ATP6V0A4: variants seen among roughly 807,000 people sequenced by gnomAD.
ATP6V0A4 encodes V-type proton ATPase 116 kDa subunit a 4.
Under a neutral mutation model 107.3 loss-of-function variants are expected in ATP6V0A4, and 86 were observed. The ratio of observed to expected loss-of-function variants is 0.80; its 90% CI spans 0.67 to 0.96. ATP6V0A4 has a LOEUF of 0.96. Among genes scored for constraint, ATP6V0A4 ranks in the 40% least tolerant of loss-of-function variants. ATP6V0A4 has a pLI of 0.00. For missense variants in ATP6V0A4, 908 were observed against 1,045.6 expected, an observed-to-expected ratio of 0.87 and a Z score of 1.81; for synonymous variants, 353 against 381.4, an observed-to-expected ratio of 0.93 and a Z score of 0.87.
intron 13 of ATP6V0A4, among the ~76,000 whole-genome samples, chr7:138,746,937 G>C (rs1400486016): frequency 6.6e-6 from 1 of 152,154 alleles, no homozygotes; most frequent in African/African-American, 2.4e-5. Flanking sequence ...ACGGGTCCCA[G>C]GCTGCTTCTG....
chr7:138,784,914 A>C (rs1356135538), intron 2 of ATP6V0A4, among the ~76,000 whole-genome samples: 6 of 152,180 alleles, frequency 3.9e-5, no homozygotes, highest in Non-Finnish European at 8.8e-5. Context: ...GAGGGTGAAG[A>C]GATGAGCATT....
At chr7:138,718,604 A>AGGAATGGGGT (rs1804255038) in intron 19 of ATP6V0A4, among the ~76,000 whole-genome samples, 1 of 60,990 alleles carries the variant, frequency 1.6e-5, no homozygotes, top group African/African-American at 7.4e-5. Context: ...AGGAATGGGG[A>AGGAATGGGGT]GGAATGGGGA....
intron 15 of ATP6V0A4, among the ~76,000 whole-genome samples, chr7:138,734,681 G>C (rs1442618088): frequency 6.6e-6 from 1 of 151,520 alleles, no homozygotes. Context: ...AGGAGGCTGA[G>C]GCAGGAGAAC....
At chr7:138,776,643 A>G (rs1482492090) in intron 2 of ATP6V0A4, among the ~76,000 whole-genome samples, 1 of 152,110 alleles carries the variant, frequency 6.6e-6, no homozygotes, top group East Asian at 1.9e-4. Flanking sequence ...GGGTGGGGCC[A>G]TAGTTTTCAA....
At chr7:138,735,445 A>G (rs955444089) in intron 15 of ATP6V0A4, among the ~76,000 whole-genome samples, 1 of 152,164 alleles carries the variant, frequency 6.6e-6, no homozygotes, top group Non-Finnish European at 1.5e-5. Context: ...AGGGGCCAAC[A>G]TCCAACCAGA....
chr7:138,761,931 C>T (rs1176570525), intron 7 of ATP6V0A4, among the ~76,000 whole-genome samples: 1 of 152,170 alleles, frequency 6.6e-6, no homozygotes, highest in Non-Finnish European at 1.5e-5. Context: ...CCACCCACCT[C>T]AGCCTCCCAA....
In ATP6V0A4 at chr7:138,709,721, C is replaced by A; in HGVS notation, c.2332G>T (p.Val778Phe). The change falls in exon 21 of 22, where the codon GTT becomes TTT. Residue 778 changes from valine (V) to phenylalanine (F), a missense_variant. Transcript: ENST00000310018. ...QTRGWGGIVG[V>F]FIIFAVFAVL... ...GCAAATACGGCAAAAATAATAAAAACCCCGACGATTCCTCCCCAGCCTCGC... is the reference window on the plus strand; with the variant it reads ...GCAAATACGGCAAAAATAATAAAAAACCCGACGATTCCTCCCCAGCCTCGC... The A allele has an allele frequency of 6.2e-7, 1 of 1,614,016 alleles. No individual in the cohort carries two copies. The highest frequency in any genetic ancestry group is 8.5e-7 in the Non-Finnish European group (1 of 1,179,980).
At chr7:138,715,618 C>T in intron 20 of ATP6V0A4, 146 bp downstream of exon 20, 1 of 1,170,174 alleles carries the variant, frequency 8.5e-7, no homozygotes, top group East Asian at 2.6e-5. Context: ...ACAGAAAAGG[C>T]ACCTGTGCCT....
intron 20 of ATP6V0A4, among the ~76,000 whole-genome samples, chr7:138,711,354 C>T (rs1183866188): frequency 6.6e-6 from 1 of 152,200 alleles, no homozygotes; most frequent in Admixed American, 6.5e-5. Flanking sequence ...AGGGTCCATG[C>T]TTAGGTGTCC....
Position 138,791,800 on chromosome 7 carries a change from G to A in ATP6V0A4, c.-120-5540C>T, listed in dbSNP as rs1291925097. ...GTAACATGTTAATCACTCCACTGAG[G>A]GAATACTAAATGGTATTCTTCAAAG... On this transcript the variant is annotated intron_variant, in intron 1 of 21. Transcript: ENST00000310018. Among the ~76,000 whole-genome samples the A allele has an allele frequency of 3.3e-5, 5 of 151,986 alleles. 2 individuals carry two copies. The highest frequency in any genetic ancestry group is 3.3e-4 in the Admixed American group (5 of 15,256).
intron 18 of ATP6V0A4, among the ~76,000 whole-genome samples, chr7:138,722,510 C>T (rs1416084921): frequency 6.6e-6 from 1 of 151,280 alleles, no homozygotes; most frequent in Non-Finnish European, 1.5e-5. Flanking sequence ...ACTAAAAATA[C>T]AAAAATTAGG....
chr7:138,792,795 T>G (rs1340769948), intron 1 of ATP6V0A4, among the ~76,000 whole-genome samples: 2 of 139,642 alleles, frequency 1.4e-5, no homozygotes, highest in Non-Finnish European at 3.1e-5. Flanking sequence ...TGTTTTTTTT[T>G]TTGTAGCAAC....
At chr7:138,741,109 A>G (rs1805615160) in intron 14 of ATP6V0A4, among the ~76,000 whole-genome samples, 1 of 152,122 alleles carries the variant, frequency 6.6e-6, no homozygotes, top group Non-Finnish European at 1.5e-5. Context: ...GCACCACTGC[A>G]CTCCAGCCTG....
intron 12 of ATP6V0A4, chr7:138,747,812 TG>T (rs1293116167): frequency 1.3e-5 from 6 of 479,628 alleles, no homozygotes; most frequent in African/African-American, 1.2e-4. Context: ...TGGAGTGCAG[TG>T]GCACAATCAT....
At chr7:138,742,689 A>ATT (rs5887901) in intron 14 of ATP6V0A4, among the ~76,000 whole-genome samples, 1 of 140,218 alleles carries the variant, frequency 7.1e-6, no homozygotes, top group African/African-American at 2.6e-5. Flanking sequence ...TGCCCAGCTA[A>ATT]TTTTTTTTTT....
At chr7:138,742,512 T>C (rs1805681912) in intron 14 of ATP6V0A4, among the ~76,000 whole-genome samples, 2 of 152,128 alleles carry the variant, frequency 1.3e-5, no homozygotes, top group African/African-American at 4.8e-5. Flanking sequence ...AGTGTAAGAA[T>C]GAATGTGTTT....
chr7:138,751,477 G>A (rs1017061740), intron 11 of ATP6V0A4, among the ~76,000 whole-genome samples: 1 of 151,552 alleles, frequency 6.6e-6, no homozygotes, highest in Non-Finnish European at 1.5e-5. Flanking sequence ...GGTGAATAAC[G>A]GTGATCAGAA....
chr7:138,734,681 G>A (rs1442618088), intron 15 of ATP6V0A4, among the ~76,000 whole-genome samples: 1 of 151,520 alleles, frequency 6.6e-6, no homozygotes, highest in East Asian at 1.9e-4. Flanking sequence ...AGGAGGCTGA[G>A]GCAGGAGAAC....
chr7:138,786,515 G>C (rs942391062), intron 1 of ATP6V0A4, among the ~76,000 whole-genome samples: 3 of 151,870 alleles, frequency 2.0e-5, no homozygotes, highest in Non-Finnish European at 4.4e-5. Context: ...GGAGGTCGAC[G>C]CTGCAGTGAA....
Sources: gnomAD v4.1 joint callset for allele counts (sites outside exome capture counted in the v4.1 genomes callset) on GRCh38, gnomAD v4.1.1 for gene constraint, MANE v1.5 for transcripts, NCBI Gene and HGNC (gene_info 2026-07-23, HGNC 2026-07-21) for gene names.